The following KCNH5 variants were observed in gnomAD, a reference collection of about 807,000 sequenced individuals.
The protein encoded by KCNH5 is potassium voltage-gated channel subfamily H member 5, also known as voltage-gated delayed rectifier potassium channel KCNH5.
A neutral mutation model predicts 96.1 loss-of-function variants in KCNH5; 46 were observed. That is an observed-to-expected ratio of 0.48 (90% CI 0.38 to 0.61). The LOEUF (loss-of-function observed/expected upper bound fraction) is 0.61, where lower values mean the gene tolerates loss of function less well. Ranked by LOEUF, KCNH5 falls within the 20% of genes least tolerant of loss-of-function variation. The pLI is 0.00. For synonymous variants in KCNH5, 439 were observed against 449.8 expected (o/e 0.98, Z 0.30); for missense variants, 907 against 1,225.8 (o/e 0.74, Z 3.88).
At chr14:62,868,743 G>A (rs1888189245) in intron 7 of KCNH5, among the ~76,000 whole-genome samples, 1 of 152,008 alleles carries the variant, frequency 6.6e-6, no homozygotes, top group Non-Finnish European at 1.5e-5. Context: ...GTGTCCATGT[G>A]TTCTCATTGT....
chr14:63,001,188 TA>T, intron 4 of KCNH5, 142 bp downstream of exon 4: 1 of 652,118 alleles, frequency 1.5e-6, no homozygotes, highest in Non-Finnish European at 2.5e-6. Flanking sequence ...TATGATTGAA[TA>T]AAACAGATTC....
intron 8 of KCNH5, among the ~76,000 whole-genome samples, chr14:62,812,721 C>A (rs1886897866): frequency 6.6e-6 from 1 of 151,848 alleles, no homozygotes; most frequent in Admixed American, 6.6e-5. Flanking sequence ...ACTTAAAATG[C>A]TTTTTAATAT....
intron 10 of KCNH5, among the ~76,000 whole-genome samples, chr14:62,731,506 T>C (rs1885050237): frequency 6.6e-6 from 1 of 152,108 alleles, no homozygotes; most frequent in African/African-American, 2.4e-5. Flanking sequence ...ACACCTGGAA[T>C]ATAGGTATAT....
At chr14:62,794,409 A>G (rs960504385) in intron 9 of KCNH5, among the ~76,000 whole-genome samples, 7 of 149,958 alleles carry the variant, frequency 4.7e-5, no homozygotes, top group South Asian at 2.1e-4. Context: ...TTGTAATTTG[A>G]TGGGTAAAAG....
chr14:62,849,351 G>A (rs971987051), intron 8 of KCNH5, among the ~76,000 whole-genome samples: 3 of 152,150 alleles, frequency 2.0e-5, no homozygotes, highest in Non-Finnish European at 4.4e-5. Context: ...AGTTTTAGAG[G>A]AATGCAACAA....
chr14:62,903,770 T>C (rs1888974748), intron 7 of KCNH5, among the ~76,000 whole-genome samples: 1 of 152,066 alleles, frequency 6.6e-6, no homozygotes, highest in African/African-American at 2.4e-5. Context: ...AAATAATGAA[T>C]AGATATAGAT....
At chr14:62,789,484 A>G (rs1257441259) in intron 9 of KCNH5, among the ~76,000 whole-genome samples, 1 of 151,848 alleles carries the variant, frequency 6.6e-6, no homozygotes. Context: ...TACTATTGTT[A>G]ATTTTTTAAT....
chr14:62,903,592 G>A (rs1187058193), intron 7 of KCNH5, among the ~76,000 whole-genome samples: 1 of 152,122 alleles, frequency 6.6e-6, no homozygotes, highest in Non-Finnish European at 1.5e-5. Context: ...CTCTTAGCCC[G>A]TGTAGGATGC....
chr14:62,863,110 T>G (rs1333677661), intron 7 of KCNH5, among the ~76,000 whole-genome samples: 1 of 152,322 alleles, frequency 6.6e-6, no homozygotes, highest in South Asian at 2.1e-4. Flanking sequence ...GTTTAAAATA[T>G]TAATCATTCA....
chr14:62,811,698 T>C (rs182779913), intron 8 of KCNH5, among the ~76,000 whole-genome samples: 2 of 152,268 alleles, frequency 1.3e-5, no homozygotes, highest in East Asian at 3.9e-4. Context: ...GTTTCAACCA[T>C]AAAATCATTC....
chr14:62,774,497 T>A (rs974854322), intron 10 of KCNH5, among the ~76,000 whole-genome samples: 1 of 152,182 alleles, frequency 6.6e-6, no homozygotes, highest in African/African-American at 2.4e-5. Flanking sequence ...AACAAATAGG[T>A]AAAATGGGAG....
At position 62,802,314 on chromosome 14, in the gene KCNH5, G is replaced by A. The variant is rs1014019384; in HGVS notation, c.1822+15C>T. ...TACTACGCATTTGCTACTACATTAG[G>A]AAAGTTCACAGTACCTAAAATAGCC... On this transcript the variant is annotated intron_variant, in intron 9 of 10. Transcript: ENST00000322893. The A allele has an allele frequency of 2.5e-6, 4 of 1,609,938 alleles. No individual in the cohort carries two copies. In the African/African-American group the frequency reaches 4.0e-5, roughly 16 times the overall value.
intron 10 of KCNH5, among the ~76,000 whole-genome samples, chr14:62,731,013 A>G (rs1395398030): frequency 6.6e-6 from 1 of 152,136 alleles, no homozygotes; most frequent in African/African-American, 2.4e-5. Context: ...AAAAATACTA[A>G]TCACAGACCA....
chr14:62,741,435 C>T (rs995748459), intron 10 of KCNH5, among the ~76,000 whole-genome samples: 2 of 152,020 alleles, frequency 1.3e-5, no homozygotes, highest in African/African-American at 2.4e-5. Flanking sequence ...TTTAATAAAC[C>T]GAATATACCA....
chr14:62,966,091 A>G (rs1226065735), intron 6 of KCNH5, among the ~76,000 whole-genome samples: 1 of 152,210 alleles, frequency 6.6e-6, no homozygotes, highest in African/African-American at 2.4e-5. Context: ...AATCCTGTGT[A>G]TAAATGTGAA....
intron 6 of KCNH5, among the ~76,000 whole-genome samples, chr14:62,977,270 G>A (rs959488936): frequency 3.3e-5 from 5 of 152,076 alleles, no homozygotes; most frequent in Non-Finnish European, 7.4e-5. Context: ...GGGAAGTTGA[G>A]GCAGGAGAAT....
chr14:62,899,388 A>C (rs1184496528), intron 7 of KCNH5, among the ~76,000 whole-genome samples: 1 of 152,184 alleles, frequency 6.6e-6, no homozygotes. Flanking sequence ...GTATACTTGA[A>C]AATTGCTAGG....
chr14:62,730,051 T>A (rs1303780248), intron 10 of KCNH5, among the ~76,000 whole-genome samples: 1 of 152,214 alleles, frequency 6.6e-6, no homozygotes, highest in Admixed American at 6.5e-5. Flanking sequence ...ACAAACCTGA[T>A]GAATTTTCTG....
At chr14:62,712,706 G>T in intron 10 of KCNH5, 1 of 779,154 alleles carries the variant, frequency 1.3e-6, no homozygotes. Flanking sequence ...GTTTGCCATG[G>T]AGAACCATCC....
Sources: gnomAD v4.1 joint callset for allele counts (sites outside exome capture counted in the v4.1 genomes callset) on GRCh38, gnomAD v4.1.1 for gene constraint, MANE v1.5 for transcripts, NCBI Gene and HGNC (gene_info 2026-07-23, HGNC 2026-07-21) for gene names.